The following HIVEP2 variants were observed in gnomAD, a reference collection of about 807,000 sequenced individuals.
The protein encoded by HIVEP2 is transcription factor HIVEP2.
A neutral mutation model predicts 180.7 loss-of-function variants in HIVEP2; 14 were observed. The observed-to-expected ratio is 0.08, with a 90% CI of 0.05 to 0.12. The LOEUF (loss-of-function observed/expected upper bound fraction) is 0.12, where lower values mean the gene tolerates loss of function less well. HIVEP2 is among the 10% of genes least tolerant of loss of function. The pLI is 1.00. For missense variants in HIVEP2, 2,579 were observed against 3,008.5 expected, an observed-to-expected ratio of 0.86 and a Z score of 3.34; for synonymous variants, 1,184 against 1,136.4, an observed-to-expected ratio of 1.04 and a Z score of -0.84.
chr6:142,836,387 A>G (rs1775223853), intron 2 of HIVEP2, among the ~76,000 whole-genome samples: 1 of 152,170 alleles, frequency 6.6e-6, no homozygotes, highest in African/African-American at 2.4e-5. Flanking sequence ...TCCTCCTGGT[A>G]ACTAATGTGT....
rs1186385337 is a variant in HIVEP2, at chr6:142,752,257, A to T, written c.*850T>A. The T allele has an allele frequency of 2.6e-5, 4 of 152,656 alleles. No individual in the cohort carries two copies. The highest frequency in any genetic ancestry group is 5.9e-5 in the Non-Finnish European group (4 of 68,048). 9.5% of individuals were successfully genotyped at this position (152,656 alleles called of 1,614,324 possible). A position where few individuals can be genotyped will look rare whatever the true frequency, so the allele number is the denominator to read the frequency against. ...GATGAGTATATAGATCAACATGTTC[A>T]CATAAGACCAAATACTTTTAATATT... is the stretch of plus-strand genomic sequence containing the variant. On this transcript the variant is annotated 3_prime_UTR_variant, in exon 10 of 10. Transcript: ENST00000367603.
chr6:142,763,281 A>T (rs1775297468), intron 7 of HIVEP2, among the ~76,000 whole-genome samples: 1 of 152,098 alleles, frequency 6.6e-6, no homozygotes, highest in Admixed American at 6.5e-5. Flanking sequence ...GAGGCCCCTG[A>T]AGAAGTGGCA....
At chr6:142,781,293 G>A (rs535489506) in intron 3 of HIVEP2, among the ~76,000 whole-genome samples, 4 of 152,078 alleles carry the variant, frequency 2.6e-5, no homozygotes, top group Non-Finnish European at 5.9e-5. Flanking sequence ...TGAAAACAGC[G>A]AGTCGTCACT....
In HIVEP2 at chr6:142,816,873, GGTGTGT is replaced by G. The variant is rs34958624; in HGVS notation, c.-528+20056_-528+20061del. Among the ~76,000 whole-genome samples the G allele has an allele frequency of 3.8e-4, 56 of 148,562 alleles. 1 individual carries two copies. In the East Asian group the frequency reaches 4.0e-3, roughly 10 times the overall value. On this transcript the variant is annotated intron_variant, in intron 2 of 9. Transcript: ENST00000367603. ...AAAAATGTTTGTAATAGCACCAGAGGGTGTGTGTGTGTGTGTGTGTGTGTGTACATA... is the reference window on the plus strand; with the variant it reads ...AAAAATGTTTGTAATAGCACCAGAGGGTGTGTGTGTGTGTGTGTGTACATA...
At chr6:142,825,668 T>G (rs1346110912) in intron 2 of HIVEP2, among the ~76,000 whole-genome samples, 1 of 152,184 alleles carries the variant, frequency 6.6e-6, no homozygotes, top group African/African-American at 2.4e-5. Context: ...TTACAGAAAT[T>G]GTACAGAACA....
At chr6:142,782,554 C>A (rs1449995522) in intron 3 of HIVEP2, among the ~76,000 whole-genome samples, 1 of 152,152 alleles carries the variant, frequency 6.6e-6, no homozygotes, top group Non-Finnish European at 1.5e-5. Context: ...ATAAAGGCTT[C>A]TTTTAGTAAA....
intron 2 of HIVEP2, among the ~76,000 whole-genome samples, chr6:142,825,609 C>T (rs191703359): frequency 1.3e-3 from 202 of 152,200 alleles, no homozygotes; most frequent in Non-Finnish European, 2.3e-3. Flanking sequence ...ATATTTTATA[C>T]ATTATTATAA....
At chr6:142,807,144 G>A (rs950995409) in intron 2 of HIVEP2, among the ~76,000 whole-genome samples, 10 of 152,282 alleles carry the variant, frequency 6.6e-5, no homozygotes, top group Middle Eastern at 6.8e-3. Context: ...TGGACCAATA[G>A]CCTGGAGCTG....
chr6:142,903,683 T>C (rs188458265), intron 1 of HIVEP2, among the ~76,000 whole-genome samples: 2 of 152,318 alleles, frequency 1.3e-5, no homozygotes, highest in African/African-American at 4.8e-5. Flanking sequence ...CTAATTCTGA[T>C]ATCAAGGTTA....
intron 1 of HIVEP2, among the ~76,000 whole-genome samples, chr6:142,851,025 T>C (rs922064492): frequency 1.3e-5 from 2 of 152,258 alleles, no homozygotes; most frequent in Admixed American, 1.3e-4. Flanking sequence ...AAAAAGTGTT[T>C]CTTTATAACT....
In HIVEP2 at chr6:142,770,404, G is replaced by A; in HGVS notation, c.4335C>T (p.Ala1445=). The change falls in exon 5 of 10, where the codon GCC becomes GCT. Residue 1445 remains alanine (A), a synonymous_variant. Transcript: ENST00000367603. This position sits in a 1 kb window ranked among gnomAD's most constrained non-coding sequence, Gnocchi z 4.7. ...LGGSKRMLSP[A]SSLELFMETK... The stretch of plus-strand genomic sequence containing the variant: ...TTTCCATGAAGAGCTCCAAGCTACT[G>A]GCTGGAGAAAGCATTCGCTTGCTAC... 1.2e-6 allele frequency: 2 copies of A among 1,614,132 alleles called. No homozygotes were observed. The highest frequency in any genetic ancestry group is 1.7e-6 in the Non-Finnish European group (2 of 1,180,046).
At chr6:142,803,739 T>A (rs953243092) in intron 2 of HIVEP2, among the ~76,000 whole-genome samples, 2 of 152,070 alleles carry the variant, frequency 1.3e-5, no homozygotes, top group African/African-American at 4.8e-5. Context: ...GAGAGAACAA[T>A]GAAGAATGAT....
At chr6:142,860,546 TGCA>T (rs1775949837) in intron 1 of HIVEP2, among the ~76,000 whole-genome samples, 2 of 152,202 alleles carry the variant, frequency 1.3e-5, no homozygotes, top group Admixed American at 1.3e-4. Flanking sequence ...CTTGTTTTCC[TGCA>T]GGAAAACTAG....
At chr6:142,876,492 A>T (rs538909815) in intron 1 of HIVEP2, among the ~76,000 whole-genome samples, 35 of 152,240 alleles carry the variant, frequency 2.3e-4, no homozygotes, top group Middle Eastern at 3.4e-3. Flanking sequence ...TCCATAGTAG[A>T]CAGGTGCAGT....
chr6:142,794,890 A>G (rs1776245455), intron 2 of HIVEP2, among the ~76,000 whole-genome samples: 1 of 152,224 alleles, frequency 6.6e-6, no homozygotes, highest in Admixed American at 6.5e-5. Flanking sequence ...TTTAAGGTAA[A>G]GCTTCAACTA....
intron 1 of HIVEP2, among the ~76,000 whole-genome samples, chr6:142,936,298 T>C (rs1282447880): frequency 2.0e-5 from 3 of 151,706 alleles, no homozygotes; most frequent in African/African-American, 7.3e-5. Flanking sequence ...GTTCAGGCGA[T>C]TCTCCTGTCT....
At chr6:142,834,493 T>C (rs559358569) in intron 2 of HIVEP2, among the ~76,000 whole-genome samples, 10 of 152,166 alleles carry the variant, frequency 6.6e-5, no homozygotes, top group Non-Finnish European at 1.5e-4. Flanking sequence ...ACATAATTCC[T>C]AAATAAATAT....
At chr6:142,900,746 A>T (rs1268200453) in intron 1 of HIVEP2, among the ~76,000 whole-genome samples, 1 of 152,198 alleles carries the variant, frequency 6.6e-6, no homozygotes, top group East Asian at 1.9e-4. Context: ...ACCAGAGTGC[A>T]GCTGATGTGA....
intron 1 of HIVEP2, among the ~76,000 whole-genome samples, chr6:142,934,375 G>C (rs1334680079): frequency 2.0e-5 from 3 of 152,196 alleles, no homozygotes; most frequent in Admixed American, 1.3e-4. Context: ...AATAAGGCAA[G>C]CAATCAACTA....
Sources: gnomAD v4.1 joint callset for allele counts (sites outside exome capture counted in the v4.1 genomes callset) on GRCh38, gnomAD v4.1.1 for gene constraint, Gnocchi (gnomAD v3.1) non-coding constraint, MANE v1.5 for transcripts, NCBI Gene and HGNC (gene_info 2026-07-23, HGNC 2026-07-21) for gene names.